The following GTF3C3 variants were observed in gnomAD, a reference collection of about 807,000 sequenced individuals.
GTF3C3 encodes general transcription factor IIIC subunit 3.
GTF3C3 carries 75 observed loss-of-function variants against 105.2 expected under a neutral mutation model. The observed-to-expected ratio is 0.71, with a 90% CI of 0.59 to 0.86. GTF3C3 has a LOEUF of 0.86. GTF3C3 is among the 40% of genes least tolerant of loss of function. GTF3C3 has a pLI of 0.00. For synonymous variants in GTF3C3, 335 were observed against 370.4 expected, an observed-to-expected ratio of 0.90 and a Z score of 1.10; for missense variants, 856 against 1,076.5, an observed-to-expected ratio of 0.80 and a Z score of 2.87.
intron 2 of GTF3C3, among the ~76,000 whole-genome samples, chr2:196,793,683 A>T (rs1234849657): frequency 1.3e-5 from 2 of 151,904 alleles, no homozygotes; most frequent in Non-Finnish European, 1.5e-5. Context: ...AATGAGTGTG[A>T]GTGTGTGTGT....
chr2:196,775,058 A>C, intron 13 of GTF3C3, 58 bp downstream of exon 13: 1 of 1,305,094 alleles, frequency 7.7e-7, no homozygotes, highest in Non-Finnish European at 1.1e-6. Flanking sequence ...GTGTTACTTC[A>C]TGAGTCTTTT....
At chr2:196,765,952 G>A (rs184861142) in intron 17 of GTF3C3, among the ~76,000 whole-genome samples, 1,702 of 144,836 alleles carry the variant, frequency 0.012, 16 homozygotes, top group Admixed American at 0.018. Flanking sequence ...GGAGCTTGCA[G>A]TGAGCCAAGA....
intron 2 of GTF3C3, among the ~76,000 whole-genome samples, chr2:196,797,511 C>A (rs903334702): frequency 2.0e-5 from 3 of 152,214 alleles, no homozygotes; most frequent in African/African-American, 7.2e-5. Context: ...TAGTTACCAA[C>A]TGAGAGGGCC....
intron 16 of GTF3C3, among the ~76,000 whole-genome samples, chr2:196,768,245 GAC>G (rs113431946): frequency 0.3 from 44,993 of 151,882 alleles, 8,347 homozygotes; most frequent in African/African-American, 0.53. Context: ...TCAAACTCCT[GAC>G]ACCTCAAGTG....
At chr2:196,765,058 A>T (rs1246434483) in intron 17 of GTF3C3, among the ~76,000 whole-genome samples, 1 of 152,238 alleles carries the variant, frequency 6.6e-6, no homozygotes, top group Non-Finnish European at 1.5e-5. Context: ...AAAGATTGGT[A>T]TGACTTCATA....
chr2:196,779,393 C>T (rs759091128), intron 9 of GTF3C3, among the ~76,000 whole-genome samples: 3 of 151,974 alleles, frequency 2.0e-5, no homozygotes, highest in Non-Finnish European at 2.9e-5. Flanking sequence ...CTCCCAAAGT[C>T]TATAGCTCTC....
intron 1 of GTF3C3, among the ~76,000 whole-genome samples, chr2:196,798,160 A>C (rs1699678165): frequency 6.6e-6 from 1 of 152,164 alleles, no homozygotes; most frequent in Non-Finnish European, 1.5e-5. Context: ...CTTACCCTTC[A>C]ATCTGTCATT....
rs1003713290 is a variant in GTF3C3, at chr2:196,776,747, G to A, written c.1391-118C>T. 7 of 666,584 alleles carry A rather than the reference G, an allele frequency of 1.1e-5. No individual in the cohort carries two copies. The Admixed American group carries it at 2.0e-4, about 19-fold the overall frequency. The allele number at this position is 666,584 out of a possible 1,614,324, so 41.3% of individuals were successfully genotyped here. ...TAAAAAATTATAACAAGAAATGAAT[G>A]CGTATTTCTAGTACTTTAAAACTAT... On this transcript the variant is annotated intron_variant, in intron 10 of 17. Transcript: ENST00000263956. The surrounding 1 kb of genome is among the most constrained non-coding windows in gnomAD (Gnocchi z 4.5).
intron 14 of GTF3C3, 24 bp downstream of exon 14, chr2:196,772,892 T>G: frequency 8.7e-7 from 1 of 1,155,272 alleles, no homozygotes; most frequent in East Asian, 2.4e-5. Context: ...AGAATCTAAT[T>G]AAAATAAATA....
At position 196,799,595 on chromosome 2, in the gene GTF3C3, G is replaced by A. The variant is rs756310573; in HGVS notation, c.17C>T (p.Pro6Leu). The change falls in exon 1 of 18, where the codon CCG (proline) becomes CTG (leucine). Residue 6 changes from proline to leucine, a missense_variant. Coordinates refer to ENST00000263956, the MANE Select transcript of GTF3C3 (RefSeq NM_012086.5). ...CCCTTCCAAGTAGTCGATGAGTTCCGGACTGAACCCTGACATGTTTACAGG... is the reference window on the plus strand; with the variant it reads ...CCCTTCCAAGTAGTCGATGAGTTCCAGACTGAACCCTGACATGTTTACAGG... The part of the protein sequence containing the change: MSGFS[P>L]ELIDYLEGKI... 1.9e-6 allele frequency: 3 copies of A among 1,613,322 alleles called. No individual in the cohort carries two copies. The highest frequency in any genetic ancestry group is 1.7e-5 in the Admixed American group (1 of 60,018).
At chr2:196,782,793 T>G (rs1322538670) in intron 8 of GTF3C3, among the ~76,000 whole-genome samples, 1 of 152,190 alleles carries the variant, frequency 6.6e-6, no homozygotes, top group Non-Finnish European at 1.5e-5. Context: ...ATCAGGTAAG[T>G]ATGGAGATTG....
Position 196,764,359 on chromosome 2 carries a change from A to G in GTF3C3, c.*204T>C, listed in dbSNP as rs946205611. 1 of 443,904 alleles carries G rather than the reference A, an allele frequency of 2.3e-6. No homozygotes were observed. The highest frequency in any genetic ancestry group is 3.7e-5 in the Admixed American group (1 of 27,240). 27.5% of individuals were successfully genotyped at this position (443,904 alleles called of 1,614,324 possible). On this transcript the variant is annotated 3_prime_UTR_variant, in exon 18 of 18. Transcript: ENST00000263956. The stretch of plus-strand genomic sequence containing the variant: ...CACTATAGAATGTGAAAGGAAAATG[A>G]CAGACCAATATACAAATTTTTGTAG...
In GTF3C3 at chr2:196,780,617, T is replaced by C. The variant is rs780561570; in HGVS notation, c.1160A>G (p.Asp387Gly). The change falls in exon 9 of 18, where the codon GAT becomes GGT. Residue 387 changes from aspartate to glycine, a missense_variant. This residue lies in a region of GTF3C3 where 605 missense variants were observed against 833.6 expected (regional missense o/e 0.73). Transcript: ENST00000263956. ...GCAGACCATCAACTTCACTGTGATA[T>C]CTATTGGCACGCCATCAGGTATAGT... is the stretch of plus-strand genomic sequence containing the variant. ...TCTIPDGVPI[D>G]ITVKLMVCLV... 1 of 1,613,502 alleles carries C rather than the reference T, an allele frequency of 6.2e-7. No homozygotes were observed. Among genetic ancestry groups the C allele is most frequent in the Non-Finnish European group, 8.5e-7 (1 of 1,179,578 alleles).
chr2:196,778,514 A>G, intron 10 of GTF3C3: 1 of 199,116 alleles, frequency 5.0e-6, no homozygotes, highest in Admixed American at 5.5e-5. Flanking sequence ...CTCAAAGAGC[A>G]TTGAAAAATA....
intron 16 of GTF3C3, 189 bp from the exon 17 acceptor site, chr2:196,766,906 ATTT>A (rs989925912): frequency 2.6e-6 from 1 of 387,154 alleles, no homozygotes; most frequent in Non-Finnish European, 4.6e-6. Context: ...AGATGTAAGA[ATTT>A]TTTTTAGCTA....
intron 4 of GTF3C3, among the ~76,000 whole-genome samples, chr2:196,790,632 T>C (rs1392821820): frequency 6.6e-6 from 1 of 152,254 alleles, no homozygotes; most frequent in African/African-American, 2.4e-5. Flanking sequence ...ACAAATAATA[T>C]TGGAAAGTAG....
At chr2:196,774,989 T>A in intron 13 of GTF3C3, 127 bp downstream of exon 13, 1 of 625,060 alleles carries the variant, frequency 1.6e-6, no homozygotes, top group African/African-American at 1.9e-5. Context: ...ACTTGAGAGA[T>A]TTAGATTGGA....
Position 196,772,964 on chromosome 2 carries a change from G to C in GTF3C3, c.2021C>G (p.Ser674Cys), listed in dbSNP as rs997148931. 1 of 1,604,020 alleles carries C rather than the reference G, an allele frequency of 6.2e-7. No individual in the cohort carries two copies. The highest frequency in any genetic ancestry group is 8.5e-7 in the Non-Finnish European group (1 of 1,176,176). The change falls in exon 14 of 18, where the codon TCT becomes TGT. Residue 674 changes from serine to cysteine, a missense_variant. Coordinates refer to ENST00000263956, the MANE Select transcript of GTF3C3 (RefSeq NM_012086.5). Reference protein sequence around the residue: ...KRKELEYFGLSAAILDKNFRK... With the variant: ...KRKELEYFGLCAAILDKNFRK... Reference sequence around the variant, plus strand: ...GAAATTTTTGTCCAGAATTGCAGCAGACAGACCAAAGTATTCTAGTTCTTT... The same window carrying C: ...GAAATTTTTGTCCAGAATTGCAGCACACAGACCAAAGTATTCTAGTTCTTT...
At chr2:196,766,525 A>G in intron 17 of GTF3C3, 40 bp downstream of exon 17, 7 of 1,520,262 alleles carry the variant, frequency 4.6e-6, no homozygotes, top group Non-Finnish European at 6.3e-6. Flanking sequence ...ATCTACAGAC[A>G]GATGAAATGA....
Sources: gnomAD v4.1 joint callset for allele counts (sites outside exome capture counted in the v4.1 genomes callset) on GRCh38, gnomAD v4.1.1 for gene constraint, gnomAD v4.1.1 regional missense constraint, Gnocchi (gnomAD v3.1) non-coding constraint, MANE v1.5 for transcripts, NCBI Gene and HGNC (gene_info 2026-07-23, HGNC 2026-07-21) for gene names.